Variants in TCAIM observed in about 807,000 individuals in gnomAD.
The protein encoded by TCAIM is T-cell activation inhibitor, mitochondrial.
A neutral mutation model predicts 58.6 loss-of-function variants in TCAIM; 36 were observed. That is an observed-to-expected ratio of 0.61 (90% CI 0.47 to 0.81). TCAIM has a LOEUF of 0.81. Among genes scored for constraint, TCAIM ranks in the 30% least tolerant of loss-of-function variants. TCAIM has a pLI of 0.00. For missense variants in TCAIM, 466 were observed against 579.6 expected (o/e 0.80, Z 2.01); for synonymous variants, 172 against 193.6 (o/e 0.89, Z 0.93).
chr3:44,370,060 A>G (rs1290972600), intron 5 of TCAIM, among the ~76,000 whole-genome samples: 1 of 142,036 alleles, frequency 7.0e-6, no homozygotes, highest in Non-Finnish European at 1.5e-5. Context: ...ATTTCTATGC[A>G]TAGATAAGTT....
At chr3:44,375,567 A>G (rs1464767146) in intron 5 of TCAIM, among the ~76,000 whole-genome samples, 3 of 152,236 alleles carry the variant, frequency 2.0e-5, no homozygotes, top group Non-Finnish European at 4.4e-5. Context: ...CCTGCCTCCA[A>G]CATTGGGGAT....
intron 4 of TCAIM, among the ~76,000 whole-genome samples, chr3:44,364,723 G>GT (rs1050693912): frequency 6.7e-6 from 1 of 150,238 alleles, no homozygotes; most frequent in Non-Finnish European, 1.5e-5. Context: ...TCCAGCATGG[G>GT]TGACAGAGTG....
chr3:44,370,397 A>C (rs1701445934), intron 5 of TCAIM, among the ~76,000 whole-genome samples: 1 of 149,384 alleles, frequency 6.7e-6, no homozygotes, highest in African/African-American at 2.5e-5. Context: ...TGGAGGTTGC[A>C]GTGAGCCAAC....
At chr3:44,352,043 T>G (rs1198201271) in intron 1 of TCAIM, among the ~76,000 whole-genome samples, 1 of 149,170 alleles carries the variant, frequency 6.7e-6, no homozygotes, top group South Asian at 2.1e-4. Context: ...TATTATATGT[T>G]AGTTATATAT....
intron 3 of TCAIM, chr3:44,359,034 G>T (rs2125633559): frequency 1.0e-6 from 1 of 982,080 alleles, no homozygotes. Context: ...AAAATGTATA[G>T]AAAAATCAAG....
At chr3:44,381,753 TC>T (rs1422730908) in intron 5 of TCAIM, among the ~76,000 whole-genome samples, 29 of 152,186 alleles carry the variant, frequency 1.9e-4, no homozygotes, top group Non-Finnish European at 4.4e-5. Flanking sequence ...CACTGAAGAA[TC>T]TGTTAGACCT....
chr3:44,367,434 T>C (rs1405932712), intron 4 of TCAIM, 22 bp from the exon 5 acceptor site: 1 of 1,590,884 alleles, frequency 6.3e-7, no homozygotes, highest in Admixed American at 1.7e-5. Context: ...TATTAATTGT[T>C]TGGGGGAATT....
intron 5 of TCAIM, among the ~76,000 whole-genome samples, chr3:44,379,715 A>T (rs1036226545): frequency 6.6e-5 from 10 of 152,118 alleles, no homozygotes; most frequent in African/African-American, 2.4e-4. Context: ...GACACTGGGG[A>T]TAACTAGAGC....
intron 5 of TCAIM, among the ~76,000 whole-genome samples, chr3:44,389,547 AAAGT>A (rs1416691270): frequency 1.3e-5 from 2 of 152,210 alleles, no homozygotes; most frequent in Admixed American, 1.3e-4. Flanking sequence ...TACATAATTT[AAAGT>A]AAGTTGAACA....
chr3:44,383,471 C>T (rs1701685343), intron 5 of TCAIM, among the ~76,000 whole-genome samples: 1 of 152,014 alleles, frequency 6.6e-6, no homozygotes, highest in African/African-American at 2.4e-5. Flanking sequence ...GATGATTCTA[C>T]TTATGTGAAG....
intron 1 of TCAIM, among the ~76,000 whole-genome samples, chr3:44,343,590 G>C (rs1700901068): frequency 6.6e-6 from 1 of 151,948 alleles, no homozygotes. Flanking sequence ...TCTCTATTTA[G>C]ACTAACCACA....
At chr3:44,393,273 C>T (rs139679488) in intron 6 of TCAIM, among the ~76,000 whole-genome samples, 1 of 151,872 alleles carries the variant, frequency 6.6e-6, no homozygotes, top group Non-Finnish European at 1.5e-5. Flanking sequence ...GCCTGGGCAA[C>T]ATATAGAGAC....
intron 10 of TCAIM, among the ~76,000 whole-genome samples, chr3:44,405,405 G>C (rs1294675018): frequency 6.6e-6 from 1 of 152,206 alleles, no homozygotes; most frequent in African/African-American, 2.4e-5. Flanking sequence ...GGGCATGGTG[G>C]CTCACAGTTA....
At chr3:44,377,985 G>T (rs765891636) in intron 5 of TCAIM, among the ~76,000 whole-genome samples, 1 of 152,120 alleles carries the variant, frequency 6.6e-6, no homozygotes, top group Admixed American at 6.5e-5. Context: ...CAAAAGAAAC[G>T]ATATATCAAC....
intron 1 of TCAIM, among the ~76,000 whole-genome samples, chr3:44,349,502 A>G (rs1406701605): frequency 6.6e-6 from 1 of 152,144 alleles, no homozygotes; most frequent in Non-Finnish European, 1.5e-5. Context: ...GAAGGAGGCA[A>G]GCCTAGAGAA....
At chr3:44,392,559 A>G (rs111636661) in intron 5 of TCAIM, among the ~76,000 whole-genome samples, 9 of 152,158 alleles carry the variant, frequency 5.9e-5, no homozygotes, top group African/African-American at 2.2e-4. Flanking sequence ...TCCCGTTTAT[A>G]AGTGAGAACA....
intron 10 of TCAIM, among the ~76,000 whole-genome samples, chr3:44,403,912 C>T (rs772985723): frequency 4.6e-5 from 7 of 152,134 alleles, no homozygotes; most frequent in Admixed American, 1.3e-4. Flanking sequence ...TCCCCAACCC[C>T]GCAGTGGACT....
chr3:44,348,399 C>T (rs952831951), intron 1 of TCAIM, among the ~76,000 whole-genome samples: 3 of 152,204 alleles, frequency 2.0e-5, no homozygotes, highest in African/African-American at 7.2e-5. Flanking sequence ...CCAGTGGGGT[C>T]CCACACAGAT....
At chr3:44,350,222 G>A (rs1392616728) in intron 1 of TCAIM, among the ~76,000 whole-genome samples, 1 of 152,112 alleles carries the variant, frequency 6.6e-6, no homozygotes, top group Non-Finnish European at 1.5e-5. Flanking sequence ...GAGGGCAGGG[G>A]CGAGGGTCAC....
Sources: allele counts gnomAD v4.1 joint callset (sites outside exome capture counted in the v4.1 genomes callset), GRCh38; gene constraint gnomAD v4.1.1; transcripts MANE v1.5; gene names NCBI Gene and HGNC (gene_info 2026-07-23, HGNC 2026-07-21).